Variants in BRD8 observed in about 807,000 individuals in gnomAD.
BRD8 encodes the protein bromodomain containing 8.
In BRD8, 67 loss-of-function variants were observed where a neutral mutation model predicts 143.1. The observed-to-expected ratio is 0.47, with a 90% CI of 0.38 to 0.57. BRD8 has a LOEUF of 0.57. BRD8 is among the 20% of genes least tolerant of loss of function. BRD8 has a pLI of 0.00. For missense variants in BRD8, 1,103 were observed against 1,503.0 expected (o/e 0.73, Z 4.40); for synonymous variants, 505 against 517.1 (o/e 0.98, Z 0.32).
intron 7 of BRD8, among the ~76,000 whole-genome samples, chr5:138,170,048 T>C (rs1038521608): frequency 3.3e-5 from 5 of 152,232 alleles, no homozygotes; most frequent in African/African-American, 9.6e-5. Context: ...TTTCTCCTCA[T>C]CTAATGACTG....
At chr5:138,156,512 C>T (rs144650762) in intron 20 of BRD8, among the ~76,000 whole-genome samples, 12 of 152,208 alleles carry the variant, frequency 7.9e-5, no homozygotes, top group Admixed American at 2.0e-4. Context: ...CTAGAAATAC[C>T]ATCTGCAAAG....
chr5:138,149,125 C>G (rs762750470), intron 23 of BRD8, among the ~76,000 whole-genome samples: 1 of 151,840 alleles, frequency 6.6e-6, no homozygotes, highest in African/African-American at 2.4e-5. Flanking sequence ...ATAATATTAG[C>G]TCCATCACCC....
intron 13 of BRD8, 63 bp from the exon 14 acceptor site, chr5:138,164,196 C>T (rs548659350): frequency 8.8e-6 from 14 of 1,589,128 alleles, no homozygotes; most frequent in Non-Finnish European, 1.1e-5. Flanking sequence ...TCCTATGGAC[C>T]ATAATCCCCT....
intron 15 of BRD8, among the ~76,000 whole-genome samples, 190 bp downstream of exon 15, chr5:138,162,940 G>A (rs1337031020): frequency 1.3e-5 from 2 of 151,954 alleles, no homozygotes; most frequent in Non-Finnish European, 2.9e-5. Context: ...AGTGGAGGTT[G>A]CAGTGAGCTG....
intron 20 of BRD8, chr5:138,156,875 G>A (rs1162753625): frequency 5.7e-6 from 6 of 1,054,030 alleles, no homozygotes; most frequent in African/African-American, 5.5e-5. Context: ...CACAGAACAA[G>A]CCAAAGGCTA....
At chr5:138,161,913 G>C (rs370292289) in intron 16 of BRD8, 49 bp from the exon 17 acceptor site, 1 of 1,602,124 alleles carries the variant, frequency 6.2e-7, no homozygotes, top group African/African-American at 1.3e-5. Flanking sequence ...CAGAAGTGCA[G>C]GGAGGGAACT....
rs866573028 is a variant in BRD8 at position 138,152,610 on chromosome 5, C to T, written c.2728G>A (p.Glu910Lys). Residue 910 changes from glutamate (E) to lysine (K), a missense_variant, in exon 21 of 27, where the codon GAG (glutamate) becomes AAG (lysine). Physicochemically the swap from Glu to Lys is moderately conservative, Grantham distance 56 (BLOSUM62 1). Around this residue, in one of 7 missense-constraint regions of BRD8, gnomAD observed 369 missense variants for 445.5 expected, o/e 0.83. Coordinates refer to ENST00000254900, the MANE Select transcript of BRD8 (RefSeq NM_139199.2). The stretch of plus-strand genomic sequence containing the variant: ...TCCGGGCTGCTTTCCTCTAGTTCCT[C>T]AGCCTCTGGATCCTCAGTTTCCCTC... ...NWRETEDPEAEELEESSPERE... is the reference protein window; with the variant it reads ...NWRETEDPEAKELEESSPERE... 1 of 1,614,186 alleles carries T rather than the reference C, an allele frequency of 6.2e-7. No individual in the cohort carries two copies. Among genetic ancestry groups the T allele is most frequent in the Non-Finnish European group, 8.5e-7 (1 of 1,180,028 alleles).
rs76971809 is a variant in BRD8, at chr5:138,145,223, G to T, written c.3391C>A (p.Pro1131Thr). 2 of 1,613,726 alleles carry T rather than the reference G, an allele frequency of 1.2e-6. No individual in the cohort carries two copies. Among genetic ancestry groups the T allele is most frequent in the African/African-American group, 2.7e-5 (2 of 74,862 alleles). ...CCTGGGGCCTGCCTTTCTGACACAG[G>T]CTTCAGAAATGGACTGCTGAACCTG... ...SHRFSSPFLKPVSERQAPGYK... is the reference protein window; with the variant it reads ...SHRFSSPFLKTVSERQAPGYK... The change falls in exon 25 of 27, where the codon CCT (proline) becomes ACT (threonine). Residue 1131 changes from proline to threonine, a missense_variant. Physicochemically the swap from Pro to Thr is conservative, Grantham distance 38 (BLOSUM62 -1). Coordinates refer to ENST00000254900, the MANE Select transcript of BRD8 (RefSeq NM_139199.2).
At chr5:138,167,273 A>AAC (rs1753515906) in intron 9 of BRD8, among the ~76,000 whole-genome samples, 1 of 151,736 alleles carries the variant, frequency 6.6e-6, no homozygotes, top group Non-Finnish European at 1.5e-5. Context: ...GTCTCAAAAA[A>AAC]AACAACAACA....
intron 8 of BRD8, chr5:138,168,491 G>A (rs1411241386): frequency 5.0e-6 from 8 of 1,604,530 alleles, no homozygotes; most frequent in Non-Finnish European, 6.8e-6. Flanking sequence ...TAGTAGGCAG[G>A]AGGCTGCCCT....
rs1754437903 is a variant in BRD8 at position 138,177,415 on chromosome 5, C to G, written c.116+156G>C. On this transcript the variant is annotated intron_variant, in intron 2 of 26. Coordinates refer to ENST00000254900, the MANE Select transcript of BRD8 (RefSeq NM_139199.2). ...GCGTGTCCGCACCACTGCACTCCAG[C>G]CTGGGCAACAGAAGGAGACTCAGTC... 9.6e-6 allele frequency: 5 copies of G among 518,300 alleles called. No individual in the cohort carries two copies. In the East Asian group the frequency reaches 1.6e-4, roughly 17 times the overall value. 32.1% of individuals were successfully genotyped at this position (518,300 alleles called of 1,614,324 possible).
intron 23 of BRD8, among the ~76,000 whole-genome samples, chr5:138,148,159 GAAAAAAAAA>G (rs764280222): frequency 1.2e-4 from 9 of 73,654 alleles, no homozygotes; most frequent in Non-Finnish European, 5.1e-5. Context: ...TGATGAGCTG[GAAAAAAAAA>G]AAAAAAAAGA....
At chr5:138,146,969 CAAAAAAAAAAA>C (rs60597015) in intron 23 of BRD8, among the ~76,000 whole-genome samples, 1 of 49,054 alleles carries the variant, frequency 2.0e-5, no homozygotes, top group South Asian at 7.2e-4. Context: ...AACTCCGTCT[CAAAAAAAAAAA>C]AAAAAAAAAA....
At chr5:138,151,452 C>T (rs557307043) in intron 21 of BRD8, among the ~76,000 whole-genome samples, 24 of 152,326 alleles carry the variant, frequency 1.6e-4, no homozygotes, top group Non-Finnish European at 2.6e-4. Context: ...CTGTTTATTT[C>T]TGGTCCTCAG....
intron 2 of BRD8, among the ~76,000 whole-genome samples, chr5:138,174,424 A>G (rs1169818252): frequency 6.6e-6 from 1 of 151,872 alleles, no homozygotes; most frequent in African/African-American, 2.4e-5. Context: ...GTAAAACCCT[A>G]TCTCTACCAA....
chr5:138,168,724 AAACTATG>A (rs770999011), intron 8 of BRD8: 103 of 1,080,036 alleles, frequency 9.5e-5, no homozygotes, highest in Non-Finnish European at 1.4e-4. Context: ...CTGACTTCTC[AAACTATG>A]GAAGGTTCCC....
intron 20 of BRD8, chr5:138,156,743 G>T: frequency 1.3e-6 from 1 of 776,658 alleles, no homozygotes; most frequent in Non-Finnish European, 1.6e-6. Flanking sequence ...TCACACTACA[G>T]CAAGCAGTTC....
In BRD8 at chr5:138,172,285, G is replaced by A. The variant is rs111911658; in HGVS notation, c.117-151C>T. The A allele has an allele frequency of 9.7e-5, 56 of 577,482 alleles. 1 individual carries two copies. The highest frequency in any genetic ancestry group is 9.7e-4 in the Middle Eastern group (2 of 2,062). 35.8% of individuals were successfully genotyped at this position (577,482 alleles called of 1,614,324 possible). On this transcript the variant is annotated intron_variant, in intron 2 of 26. Coordinates refer to ENST00000254900, the MANE Select transcript of BRD8 (RefSeq NM_139199.2). ...CACGCCTGTAATCCCAGCACTTTGG[G>A]AGGCCAAGACGGGTGGATCACAAGG...
chr5:138,152,515 G>A lies in BRD8; in HGVS notation c.2823C>T (p.Ala941=), dbSNP rs1752415594. The change falls in exon 21 of 27, where the codon GCC becomes GCT. Residue 941 remains alanine, a synonymous_variant. Transcript: ENST00000254900. ...GAAAGTGGAGGAGGTTCTGGTGGCT[G>A]GCTTTCCTTGCCGCTTCCTGAGATT... The part of the protein sequence containing the change: ...SEESQEAARK[A]SHQNLLHFLS... 4 of 1,614,068 alleles carry A rather than the reference G, an allele frequency of 2.5e-6. No homozygotes were observed. In the Admixed American group the frequency reaches 5.0e-5, roughly 20 times the overall value.
Sources: allele counts gnomAD v4.1 joint callset (sites outside exome capture counted in the v4.1 genomes callset), GRCh38; gene constraint gnomAD v4.1.1; regional missense constraint gnomAD v4.1.1; transcripts MANE v1.5; gene names NCBI Gene and HGNC (gene_info 2026-07-23, HGNC 2026-07-21).